The following WDR7 variants were observed in gnomAD, a reference collection of about 807,000 sequenced individuals.
The protein encoded by WDR7 is WD repeat domain 7.
WDR7 carries 46 observed loss-of-function variants against 169.4 expected under a neutral mutation model. The observed-to-expected ratio is 0.27, with a 90% CI of 0.21 to 0.35. The LOEUF is 0.35. Ranked by LOEUF, WDR7 falls within the 10% of genes least tolerant of loss-of-function variation. The pLI is 1.00. For missense variants in WDR7, 1,534 were observed against 1,859.3 expected (o/e 0.83, Z 3.22); for synonymous variants, 612 against 666.8 (o/e 0.92, Z 1.27).
chr18:57,014,092 G>A (rs1475486782), intron 26 of WDR7, among the ~76,000 whole-genome samples: 2 of 152,094 alleles, frequency 1.3e-5, no homozygotes, highest in African/African-American at 4.8e-5. Flanking sequence ...TTGAGAGGCC[G>A]AGGCAGGTGG....
intron 19 of WDR7, among the ~76,000 whole-genome samples, chr18:56,787,831 G>A (rs992956843): frequency 6.6e-6 from 1 of 152,208 alleles, no homozygotes; most frequent in Non-Finnish European, 1.5e-5. Flanking sequence ...TACAGAGGGA[G>A]TTGAAAAGGA....
chr18:56,702,633 TTG>T (rs1167126851), intron 12 of WDR7, among the ~76,000 whole-genome samples: 1 of 152,192 alleles, frequency 6.6e-6, no homozygotes, highest in Admixed American at 6.5e-5. Context: ...TATGAAACCT[TTG>T]TGTGTGTAAT....
At chr18:56,801,511 T>C (rs985409248) in intron 19 of WDR7, among the ~76,000 whole-genome samples, 1 of 152,206 alleles carries the variant, frequency 6.6e-6, no homozygotes, top group East Asian at 1.9e-4. Flanking sequence ...AGCAGATAGA[T>C]CTTTAGGTTT....
At position 56,880,023 on chromosome 18, in the gene WDR7, T is replaced by C; in HGVS notation, c.3384T>C (p.Val1128=). The C allele has an allele frequency of 6.2e-7, 1 of 1,614,134 alleles. No homozygotes were observed. The highest frequency in any genetic ancestry group is 1.1e-5 in the South Asian group (1 of 91,070). ...GACGGAAGCAAGCTACCGCTATTGTTTTACTTGGAGTAATAGGAGCTGAAT... is the reference window on the plus strand; with the variant it reads ...GACGGAAGCAAGCTACCGCTATTGTCTTACTTGGAGTAATAGGAGCTGAAT... The part of the protein sequence containing the change: ...EERRKQATAI[V]LLGVIGAEFG... Residue 1128 remains valine, a synonymous_variant, in exon 21 of 28, where the codon GTT becomes GTC. Transcript: ENST00000254442.
rs547007268 is a variant in WDR7, at chr18:56,694,547, T to C, written c.967-72T>C. The C allele has an allele frequency of 6.6e-5, 96 of 1,454,718 alleles. No homozygotes were observed. In the East Asian group the frequency reaches 2.1e-3, roughly 31 times the overall value. 90.1% of individuals were successfully genotyped at this position (1,454,718 alleles called of 1,614,324 possible). On this transcript the variant is annotated intron_variant, in intron 9 of 27. Transcript: ENST00000254442. ...GGACAAATTACCTAATATCTTTGTT[T>C]GAAAAGCATTAATGTGTGAAATATT...
At chr18:56,727,165 C>T (rs2026476259) in intron 13 of WDR7, among the ~76,000 whole-genome samples, 1 of 152,122 alleles carries the variant, frequency 6.6e-6, no homozygotes, top group African/African-American at 2.4e-5. Flanking sequence ...GTTTCAAATC[C>T]TTACATCTAT....
At position 56,757,234 on chromosome 18, in the gene WDR7, G is replaced by A. The variant is rs368372292; in HGVS notation, c.2641G>A (p.Gly881Arg). ...TGAGGGAGTAGGAAAGGGAACTTACGGAGTGTCCCGTGCCGTCACCACACA... is the reference window on the plus strand; with the variant it reads ...TGAGGGAGTAGGAAAGGGAACTTACAGAGTGTCCCGTGCCGTCACCACACA... ...ASEGVGKGTY[G>R]VSRAVTTQHL... Residue 881 changes from glycine to arginine, a missense_variant, in exon 15 of 28, where the codon GGA becomes AGA. By Grantham distance (125) the Gly-to-Arg change is moderately radical. Transcript: ENST00000254442. The A allele has an allele frequency of 2.9e-5, 47 of 1,613,924 alleles. No homozygotes were observed. Among genetic ancestry groups the A allele is most frequent in the South Asian group, 8.8e-5 (8 of 91,076 alleles).
rs970536607 is a variant in WDR7 at position 56,685,962 on chromosome 18, C to T, written c.527C>T (p.Thr176Ile). The change falls in exon 6 of 28, where the codon ACA becomes ATA. Residue 176 changes from threonine to isoleucine, a missense_variant. Transcript: ENST00000254442. ...TTGTCCCTTCTCATTTTAGAGGACA[C>T]AGTGGTAGCACTCTCGGTGACTGGC... Reference protein sequence around the residue: ...IIRSHRTQEDTVVALSVTGIL... With the variant: ...IIRSHRTQEDIVVALSVTGIL... 8.1e-6 allele frequency: 13 copies of T among 1,602,298 alleles called. No individual in the cohort carries two copies. The South Asian group carries it at 1.0e-4, about 12-fold the overall frequency.
At chr18:56,895,464 A>G (rs1172482515) in intron 21 of WDR7, among the ~76,000 whole-genome samples, 1 of 130,790 alleles carries the variant, frequency 7.6e-6, no homozygotes, top group Non-Finnish European at 1.7e-5. Flanking sequence ...AAAATTTGCT[A>G]GATACACTTG....
At chr18:56,957,147 A>G (rs1293196861) in intron 25 of WDR7, 1 of 152,192 alleles carries the variant, frequency 6.6e-6, no homozygotes, top group Non-Finnish European at 1.5e-5. Context: ...TACAATGCAG[A>G]TGTGAGCAAG....
chr18:56,744,966 G>T (rs1049467201), intron 14 of WDR7, among the ~76,000 whole-genome samples: 1 of 152,152 alleles, frequency 6.6e-6, no homozygotes, highest in South Asian at 2.1e-4. Flanking sequence ...AGTGGAAGTT[G>T]TGAAAGTCAC....
At chr18:56,830,171 TGTTTCA>T (rs2045283692) in intron 20 of WDR7, among the ~76,000 whole-genome samples, 1 of 152,204 alleles carries the variant, frequency 6.6e-6, no homozygotes, top group South Asian at 2.1e-4. Flanking sequence ...TTTATCACAG[TGTTTCA>T]GTTGCGTTGA....
At chr18:56,653,823 C>G (rs1157828148) in intron 1 of WDR7, among the ~76,000 whole-genome samples, 1 of 152,162 alleles carries the variant, frequency 6.6e-6, no homozygotes, top group Non-Finnish European at 1.5e-5. Context: ...CCTACCTCTA[C>G]AGATAATACT....
intron 12 of WDR7, among the ~76,000 whole-genome samples, chr18:56,708,673 G>A (rs918848964): frequency 2.6e-5 from 4 of 152,076 alleles, no homozygotes; most frequent in Non-Finnish European, 2.9e-5. Context: ...GGTGGCTGAC[G>A]CCTGTGATCC....
intron 20 of WDR7, among the ~76,000 whole-genome samples, chr18:56,824,863 T>TAGG (rs201664318): frequency 0.011 from 1,658 of 152,332 alleles, 28 homozygotes; most frequent in African/African-American, 0.036. Context: ...TAAGAAAAGA[T>TAGG]AGAACAAAAA....
chr18:56,825,048 A>G (rs1343778529), intron 20 of WDR7, among the ~76,000 whole-genome samples: 1 of 152,148 alleles, frequency 6.6e-6, no homozygotes, highest in Non-Finnish European at 1.5e-5. Flanking sequence ...CTTGTGGATG[A>G]TGGTCCCAGT....
At chr18:56,766,113 T>C (rs34353120) in intron 16 of WDR7, among the ~76,000 whole-genome samples, 13,281 of 152,088 alleles carry the variant, frequency 0.087, 685 homozygotes, top group East Asian at 0.18. Context: ...CTTGTTTGCA[T>C]TAGTTCTAAC....
intron 23 of WDR7, among the ~76,000 whole-genome samples, chr18:56,936,716 T>C (rs1279810616): frequency 3.3e-5 from 5 of 152,202 alleles, no homozygotes. Flanking sequence ...ATTTGTGCCA[T>C]GCATTTCGCT....
intron 13 of WDR7, chr18:56,721,511 A>G (rs2026319689): frequency 6.6e-6 from 1 of 152,218 alleles, no homozygotes; most frequent in Non-Finnish European, 1.5e-5. Flanking sequence ...AAATAGTTAA[A>G]AAACTACCCA....
Sources: gnomAD v4.1 joint callset for allele counts (sites outside exome capture counted in the v4.1 genomes callset) on GRCh38, gnomAD v4.1.1 for gene constraint, MANE v1.5 for transcripts, NCBI Gene and HGNC (gene_info 2026-07-23, HGNC 2026-07-21) for gene names.